TPM3: variants seen among roughly 807,000 people sequenced by gnomAD.
TPM3 encodes the protein tropomyosin alpha-3 chain.
TPM3 carries 16 observed loss-of-function variants against 43.1 expected under a neutral mutation model. That is an observed-to-expected ratio of 0.37 (90% CI 0.25 to 0.56). The LOEUF (loss-of-function observed/expected upper bound fraction) is 0.56. TPM3 is among the 20% of genes least tolerant of loss of function. The probability of loss-of-function intolerance (pLI) is 0.77; values close to 1 mark genes in which losing one functional copy is unlikely to be tolerated. For synonymous variants in TPM3, 101 were observed against 116.9 expected (o/e 0.86, Z 0.88); for missense variants, 176 against 337.2 (o/e 0.52, Z 3.74).
intron 8 of TPM3, chr1:154,169,997 T>C: frequency 3.6e-6 from 1 of 278,148 alleles, no homozygotes; most frequent in South Asian, 3.8e-5. Context: ...ATTTATTGGA[T>C]AAATACCCGA....
downstream of TPM3, chr1:154,158,742 A>G: frequency 1.9e-6 from 1 of 533,120 alleles, no homozygotes; most frequent in Non-Finnish European, 3.4e-6. Flanking sequence ...ATAATCTCTC[A>G]GGCCCCTCCC....
Position 154,163,782 on chromosome 1 carries a change from C to T in TPM3, c.*4155G>A, listed in dbSNP as rs1462219302. On this transcript the variant is annotated 3_prime_UTR_variant, in exon 10 of 10. Coordinates refer to ENST00000651641, the MANE Select transcript of TPM3 (RefSeq NM_152263.4). ...CCAAGTAGTTGGGACTACAGGTGCCCGCAACCACGCCCAGCTAATTTTTTG... is the reference window on the plus strand; with the variant it reads ...CCAAGTAGTTGGGACTACAGGTGCCTGCAACCACGCCCAGCTAATTTTTTG... 6.6e-6 allele frequency among the ~76,000 whole-genome samples: 1 copy of T among 152,012 alleles called. No individual in the cohort carries two copies. The highest frequency in any genetic ancestry group is 1.5e-5 in the Non-Finnish European group (1 of 68,012).
chr1:154,156,961 G>C (rs1659873981), downstream of TPM3: 1 of 198,168 alleles, frequency 5.0e-6, no homozygotes, highest in Non-Finnish European at 1.0e-5. Flanking sequence ...TGGTCTCAGA[G>C]GTCTTACCAT....
At position 154,169,395 on chromosome 1, in the gene TPM3, C is replaced by A. The variant is rs764263774; in HGVS notation, c.776-12G>T. 1.2e-6 allele frequency: 2 copies of A among 1,614,052 alleles called. No individual in the cohort carries two copies. The highest frequency in any genetic ancestry group is 2.2e-5 in the East Asian group (1 of 44,882). On this transcript the variant is annotated splice_polypyrimidine_tract_variant and intron_variant, in intron 8 of 9. Transcript: ENST00000651641. ...GGCATAGAGCTCATCTGGACAGGCA[C>A]AGGAACCACAGGGAGGAATGAGGGG... is the stretch of plus-strand genomic sequence containing the variant.
intron 5 of TPM3, chr1:154,172,011 G>A (rs1645961252): frequency 1.9e-6 from 3 of 1,613,160 alleles, no homozygotes; most frequent in South Asian, 1.1e-5. Flanking sequence ...ACCTTGCTGT[G>A]GGCTTAATGG....
rs58289686 is a variant in TPM3, at chr1:154,162,364, C to CAAAAAA, written c.*5567_*5572dup. The stretch of plus-strand genomic sequence containing the variant: ...TGGGCAACAGAGCAAGACTCCGTCT[C>CAAAAAA]AAAAAAAAAAAAAAAAAAAAACACA... On this transcript the variant is annotated 3_prime_UTR_variant, in exon 10 of 10. Transcript: ENST00000651641. Among the ~76,000 whole-genome samples the CAAAAAA allele has an allele frequency of 1.3e-5, 1 of 75,086 alleles. No homozygotes were observed. 49.3% of individuals were successfully genotyped at this position (75,086 alleles called of 152,430 possible). A position where few individuals can be genotyped will look rare whatever the true frequency, so the allele number is the denominator to read the frequency against.
At position 154,166,492 on chromosome 1, in the gene TPM3, C is replaced by A; in HGVS notation, c.*1445G>T. On this transcript the variant is annotated 3_prime_UTR_variant, in exon 10 of 10. Coordinates refer to ENST00000651641, the MANE Select transcript of TPM3 (RefSeq NM_152263.4). ...AGAACTCCTGGGCTCAAGCAATCCT[C>A]CTGCCTCAGCCTCCCAAGAAGCTAC... 2 of 1,033,822 alleles carry A rather than the reference C, an allele frequency of 1.9e-6. No individual in the cohort carries two copies. The highest frequency in any genetic ancestry group is 1.2e-6 in the Non-Finnish European group (1 of 852,722). The allele number at this position is 1,033,822 out of a possible 1,614,324, so 64.0% of individuals were successfully genotyped here. A position where few individuals can be genotyped will look rare whatever the true frequency, so the allele number is the denominator to read the frequency against.
Position 154,162,359 on chromosome 1 carries a change from C to A in TPM3, c.*5578G>T, listed in dbSNP as rs1309322403. Among the ~76,000 whole-genome samples, 6 of 106,800 alleles carry A rather than the reference C, an allele frequency of 5.6e-5. No individual in the cohort carries two copies. Among genetic ancestry groups the A allele is most frequent in the Non-Finnish European group, 7.1e-5 (4 of 56,026 alleles). The allele number at this position is 106,800 out of a possible 152,430, so 70.1% of individuals were successfully genotyped here. ...CAGCCTGGGCAACAGAGCAAGACTC[C>A]GTCTCAAAAAAAAAAAAAAAAAAAA... On this transcript the variant is annotated 3_prime_UTR_variant, in exon 10 of 10. Transcript: ENST00000651641.
chr1:154,183,362 T>G, intron 2 of TPM3: 1 of 1,367,404 alleles, frequency 7.3e-7, no homozygotes, highest in Non-Finnish European at 9.6e-7. Context: ...GCTCCCGGCC[T>G]TACCTTGGGC....
rs1260146961 is a variant in TPM3 at position 154,163,918 on chromosome 1, C to T, written c.*4019G>A. Among the ~76,000 whole-genome samples the T allele has an allele frequency of 1.3e-5, 2 of 152,122 alleles. No individual in the cohort carries two copies. Among genetic ancestry groups the T allele is most frequent in the Non-Finnish European group, 2.9e-5 (2 of 68,040 alleles). ...AAAGTGCTGGGATTACAGGCGTGAG[C>T]CACCGTGCCTGGCCTCTTTTTTTTG... is the stretch of plus-strand genomic sequence containing the variant. On this transcript the variant is annotated 3_prime_UTR_variant, in exon 10 of 10. Transcript: ENST00000651641.
intron 9 of TPM3, 132 bp from the exon 10 acceptor site, chr1:154,168,072 C>T: frequency 7.5e-7 from 1 of 1,329,882 alleles, no homozygotes; most frequent in Non-Finnish European, 1.1e-6. Flanking sequence ...GACACTTCAG[C>T]CTGAGAAATG....
downstream of TPM3, chr1:154,156,103 G>C: frequency 5.8e-6 from 1 of 172,806 alleles, no homozygotes; most frequent in Non-Finnish European, 1.3e-5. Flanking sequence ...ATGGTGGCAG[G>C]TGCCTGTAAT....
intron 2 of TPM3, among the ~76,000 whole-genome samples, chr1:154,190,005 G>A (rs902533825): frequency 6.6e-6 from 1 of 151,684 alleles, no homozygotes; most frequent in East Asian, 2.0e-4. Flanking sequence ...GCAGTGGTAC[G>A]ATCTCGGCTC....
chr1:154,172,226 G>T, intron 5 of TPM3: 1 of 935,332 alleles, frequency 1.1e-6, no homozygotes, highest in Non-Finnish European at 1.8e-6. Context: ...AATGGGAAGA[G>T]AACACCACCA....
chr1:154,174,604 C>A (rs1662086884), intron 3 of TPM3, among the ~76,000 whole-genome samples: 1 of 148,764 alleles, frequency 6.7e-6, no homozygotes, highest in Admixed American at 6.7e-5. Context: ...CAGTGCTTCT[C>A]GTGCCTTAGC....
intron 2 of TPM3, among the ~76,000 whole-genome samples, chr1:154,190,294 C>G (rs1663625457): frequency 6.6e-6 from 1 of 152,182 alleles, no homozygotes; most frequent in South Asian, 2.1e-4. Context: ...ACTCAGTTCA[C>G]TGAGAAACTT....
At position 154,167,847 on chromosome 1, in the gene TPM3, G is replaced by A; in HGVS notation, c.*90C>T. 3 of 1,613,118 alleles carry A rather than the reference G, an allele frequency of 1.9e-6. No homozygotes were observed. Among genetic ancestry groups the A allele is most frequent in the Non-Finnish European group, 1.7e-6 (2 of 1,179,416 alleles). The stretch of plus-strand genomic sequence containing the variant: ...TAATGCCTTGGGGACCAGCCAGGCT[G>A]ACCCAAATGGAATCCAGAGCGAGAG... On this transcript the variant is annotated 3_prime_UTR_variant, in exon 10 of 10. Coordinates refer to ENST00000651641, the MANE Select transcript of TPM3 (RefSeq NM_152263.4).
chr1:154,156,696 A>C (rs1471760767), downstream of TPM3: 1 of 196,794 alleles, frequency 5.1e-6, no homozygotes, highest in Admixed American at 6.1e-5. Context: ...AGTTTTGTAC[A>C]TAAGCTATTC....
intron 5 of TPM3, chr1:154,172,096 C>A (rs761854286): frequency 2.5e-6 from 4 of 1,614,134 alleles, no homozygotes; most frequent in Non-Finnish European, 3.4e-6. Context: ...ATCCATCTCT[C>A]GGCAACGGCT....
Sources: gnomAD v4.1 joint callset for allele counts (sites outside exome capture counted in the v4.1 genomes callset) on GRCh38, gnomAD v4.1.1 for gene constraint, MANE v1.5 for transcripts, NCBI Gene and HGNC (gene_info 2026-07-23, HGNC 2026-07-21) for gene names.